BTBD2: variants seen among roughly 807,000 people sequenced by gnomAD.
BTBD2 encodes BTB/POZ domain-containing protein 2.
In BTBD2, 15 loss-of-function variants were observed where a neutral mutation model predicts 44.0. The observed-to-expected ratio is 0.34, with a 90% CI of 0.23 to 0.53. The LOEUF is 0.53. Among genes scored for constraint, BTBD2 ranks in the 20% least tolerant of loss-of-function variants. The pLI, the probability that BTBD2 is intolerant of heterozygous loss-of-function variation, is 0.95. For missense variants in BTBD2, 657 were observed against 746.4 expected, an observed-to-expected ratio of 0.88 and a Z score of 1.39; for synonymous variants, 443 against 335.9, an observed-to-expected ratio of 1.32 and a Z score of -3.49.
At chr19:1,988,380 C>T (rs2016123121) in intron 5 of BTBD2, 1 of 152,752 alleles carries the variant, frequency 6.5e-6, no homozygotes, top group South Asian at 2.1e-4. Flanking sequence ...GCACCCTCTG[C>T]TCTAATGAGA....
chr19:1,997,513 C>T (rs1312537639), intron 1 of BTBD2, 50 bp from the exon 2 acceptor site: 9 of 1,607,948 alleles, frequency 5.6e-6, no homozygotes, highest in Admixed American at 1.7e-5. Context: ...CGCCACCCCA[C>T]GGCCGGGAGG....
chr19:2,001,911 G>A (rs1040449399), intron 1 of BTBD2, among the ~76,000 whole-genome samples: 2 of 150,486 alleles, frequency 1.3e-5, no homozygotes, highest in African/African-American at 4.9e-5. Context: ...GCTAATTTGT[G>A]TATTTTTTTA....
intron 1 of BTBD2, among the ~76,000 whole-genome samples, chr19:2,004,025 G>A (rs770656869): frequency 1.3e-5 from 2 of 151,814 alleles, no homozygotes; most frequent in Non-Finnish European, 2.9e-5. Context: ...AGATAAATGC[G>A]TATCTGATTG....
chr19:1,996,189 ACT>A (rs1416520946), intron 2 of BTBD2, among the ~76,000 whole-genome samples: 1 of 152,128 alleles, frequency 6.6e-6, no homozygotes, highest in South Asian at 2.1e-4. Flanking sequence ...CCAGTACCAC[ACT>A]GTTTTGATGA....
intron 2 of BTBD2, among the ~76,000 whole-genome samples, chr19:1,995,190 C>T (rs1252013458): frequency 6.6e-6 from 1 of 151,848 alleles, no homozygotes; most frequent in Non-Finnish European, 1.5e-5. Context: ...TGGTCTCCAA[C>T]TCCTGACCTC....
intron 1 of BTBD2, among the ~76,000 whole-genome samples, chr19:2,012,047 T>C (rs1380974498): frequency 6.6e-6 from 1 of 150,888 alleles, no homozygotes; most frequent in African/African-American, 2.4e-5. Flanking sequence ...GTAGAGACGG[T>C]GTTTCACCAC....
intron 1 of BTBD2, among the ~76,000 whole-genome samples, chr19:2,007,912 C>T (rs57274573): frequency 0.2 from 30,959 of 152,002 alleles, 3,586 homozygotes; most frequent in East Asian, 0.3. Context: ...GTAGCCAGGA[C>T]TGTATTTCAG....
At position 1,987,636 on chromosome 19, in the gene BTBD2, A is replaced by C. The variant is rs1161713045; in HGVS notation, c.1045T>G (p.Phe349Val). The change falls in exon 6 of 9, where the codon TTC becomes GTC. Residue 349 changes from phenylalanine (F) to valine (V), a missense_variant. Physicochemically the swap from Phe to Val is conservative, Grantham distance 50. Coordinates refer to ENST00000255608, the MANE Select transcript of BTBD2 (RefSeq NM_017797.4). ...ACTCGTGGCTTGGGGTTGACGGTGA[A>C]GTGCAGGAAGAGGCTGACCACCTCG... ...DREVVSLFLH[F>V]TVNPKPRVEF... is the part of the protein sequence containing the mutation. 3 of 1,612,186 alleles carry C rather than the reference A, an allele frequency of 1.9e-6. No homozygotes were observed. The highest frequency in any genetic ancestry group is 2.7e-5 in the African/African-American group (2 of 74,858).
intron 1 of BTBD2, among the ~76,000 whole-genome samples, chr19:2,010,911 G>A (rs2016456355): frequency 6.6e-6 from 1 of 152,132 alleles, no homozygotes; most frequent in South Asian, 2.1e-4. Context: ...GTGCTGGGAT[G>A]ATAGGCGTGA....
At chr19:1,987,327 CCA>C in intron 6 of BTBD2, 74 bp from the exon 7 acceptor site, 1 of 1,549,838 alleles carries the variant, frequency 6.5e-7, no homozygotes, top group South Asian at 1.1e-5. Context: ...GAGCCCACCC[CCA>C]TGCCCGGTCC....
chr19:2,009,085 C>T (rs2016430376), intron 1 of BTBD2, among the ~76,000 whole-genome samples: 2 of 151,880 alleles, frequency 1.3e-5, no homozygotes, highest in East Asian at 1.9e-4. Context: ...GTGGCACAAT[C>T]CTGGCTCACT....
In BTBD2 at chr19:2,007,944, G is replaced by C. The variant is rs1344179133; in HGVS notation, c.407+7353C>G. On this transcript the variant is annotated intron_variant, in intron 1 of 8. Transcript: ENST00000255608. ...TCAGTGAGTATCTGTAGGGTGGACA[G>C]ATGGGTGGATGTGGGTGACTGATTC... 2.0e-5 allele frequency among the ~76,000 whole-genome samples: 3 copies of C among 152,026 alleles called. No homozygotes were observed. The East Asian group carries it at 5.8e-4, about 29-fold the overall frequency.
intron 2 of BTBD2, among the ~76,000 whole-genome samples, chr19:1,994,237 A>G (rs531389999): frequency 1.6e-4 from 25 of 151,568 alleles, no homozygotes; most frequent in African/African-American, 5.8e-4. Context: ...AATCGCTTGA[A>G]CCCAGGAGGC....
intron 1 of BTBD2, chr19:2,013,438 G>T: frequency 1.1e-6 from 1 of 919,394 alleles, no homozygotes; most frequent in Non-Finnish European, 1.3e-6. Flanking sequence ...GGGTCTCTGG[G>T]TTGGAAGGGC....
intron 4 of BTBD2, 116 bp downstream of exon 4, chr19:1,990,601 T>G: frequency 1.0e-6 from 1 of 964,804 alleles, no homozygotes; most frequent in Non-Finnish European, 1.5e-6. Flanking sequence ...CTGCAAGTGG[T>G]GAGGCCCCAG....
chr19:1,987,535 ACT>A lies in BTBD2; in HGVS notation c.1144_1145del (p.Arg383LeufsTer8). 6.3e-7 allele frequency: 1 copy of A among 1,597,424 alleles called. No individual in the cohort carries two copies. Among genetic ancestry groups the A allele is most frequent in the Non-Finnish European group, 8.5e-7 (1 of 1,173,182 alleles). The part of the protein sequence containing the change: ...CSINRFQQVE[S>X]RWGYSGTSDR... ...CACTGGTCCCGCTGTAGCCCCAGCG[ACT>A]CTCCACCTGCTGGAAGCGGTTGATG... On this transcript the variant is annotated frameshift_variant, in exon 6 of 9. Coordinates refer to ENST00000255608, the MANE Select transcript of BTBD2 (RefSeq NM_017797.4). LOFTEE classifies it high-confidence loss of function.
At chr19:2,008,206 G>A (rs1251462474) in intron 1 of BTBD2, among the ~76,000 whole-genome samples, 1 of 151,876 alleles carries the variant, frequency 6.6e-6, no homozygotes, top group African/African-American at 2.4e-5. Flanking sequence ...GTTTCACTAT[G>A]TTTGCCAGGC....
chr19:1,990,287 A>G, intron 4 of BTBD2, 86 bp from the exon 5 acceptor site: 1 of 1,452,644 alleles, frequency 6.9e-7, no homozygotes, highest in South Asian at 1.3e-5. Context: ...GAGGACCAGC[A>G]GTTAAAGCCG....
At chr19:2,015,250 C>T in intron 1 of BTBD2, 47 bp downstream of exon 1, 1 of 1,500,992 alleles carries the variant, frequency 6.7e-7, no homozygotes, top group Non-Finnish European at 8.8e-7. Context: ...GCCCGGGCAG[C>T]AGGCTGGGTG....
Sources: allele counts gnomAD v4.1 joint callset (sites outside exome capture counted in the v4.1 genomes callset), GRCh38; gene constraint gnomAD v4.1.1; transcripts MANE v1.5; gene names NCBI Gene and HGNC (gene_info 2026-07-23, HGNC 2026-07-21).